The following EEFSEC variants were observed in gnomAD, a reference collection of about 807,000 sequenced individuals.
The protein encoded by EEFSEC is selenocysteine-specific elongation factor.
Under a neutral mutation model 42.1 loss-of-function variants are expected in EEFSEC, and 43 were observed. That is an observed-to-expected ratio of 1.02 (90% CI 0.80 to 1.32). EEFSEC has a LOEUF of 1.32. Ranked by LOEUF, EEFSEC falls within the 40% of genes most tolerant of loss-of-function variation. The pLI, the probability that EEFSEC is intolerant of heterozygous loss-of-function variation, is 0.00. For synonymous variants in EEFSEC, 354 were observed against 339.1 expected (o/e 1.04, Z -0.48); for missense variants, 745 against 803.6 (o/e 0.93, Z 0.88).
chr3:128,205,203 A>G (rs1469244280), intron 1 of EEFSEC, among the ~76,000 whole-genome samples: 1 of 152,084 alleles, frequency 6.6e-6, no homozygotes, highest in African/African-American at 2.4e-5. Flanking sequence ...TTGTATGCTC[A>G]CTCATCTGGT....
intron 1 of EEFSEC, among the ~76,000 whole-genome samples, chr3:128,199,075 G>A (rs1237974877): frequency 1.3e-5 from 2 of 152,122 alleles, no homozygotes; most frequent in South Asian, 2.1e-4. Flanking sequence ...CAGGTGATCC[G>A]CCTGCCTCGG....
intron 1 of EEFSEC, among the ~76,000 whole-genome samples, chr3:128,222,140 T>C (rs2065867778): frequency 6.6e-6 from 1 of 150,786 alleles, no homozygotes. Flanking sequence ...TTCAAGCGAT[T>C]CTCATGCCCC....
intron 4 of EEFSEC, among the ~76,000 whole-genome samples, chr3:128,289,443 C>T (rs1341830688): frequency 1.3e-5 from 2 of 152,190 alleles, no homozygotes; most frequent in Admixed American, 1.3e-4. Flanking sequence ...AGGGAAGCAG[C>T]ACATGGGAAG....
rs1352211942 is a variant in EEFSEC at position 128,200,919 on chromosome 3, C to T, written c.317-45917C>T. Among the ~76,000 whole-genome samples the T allele has an allele frequency of 2.0e-5, 3 of 152,098 alleles. No homozygotes were observed. In the East Asian group the frequency reaches 5.8e-4, roughly 29 times the overall value. On this transcript the variant is annotated intron_variant, in intron 1 of 6. Transcript: ENST00000254730. ...AATGAAGAGAGAAGTTAAAGTTCCCCACAGCCCTAGAATGGGACAGTTTGC... is the reference window on the plus strand; with the variant it reads ...AATGAAGAGAGAAGTTAAAGTTCCCTACAGCCCTAGAATGGGACAGTTTGC...
chr3:128,257,368 G>A (rs187423438), intron 2 of EEFSEC, among the ~76,000 whole-genome samples: 3 of 152,256 alleles, frequency 2.0e-5, no homozygotes, highest in East Asian at 1.9e-4. Flanking sequence ...GGGGCTCCAC[G>A]GCTTTGTTCC....
chr3:128,387,826 A>G (rs919782216), intron 6 of EEFSEC, among the ~76,000 whole-genome samples: 1 of 152,176 alleles, frequency 6.6e-6, no homozygotes, highest in Non-Finnish European at 1.5e-5. Context: ...CCCCGCTTGC[A>G]TGTTTGGAGC....
chr3:128,399,379 G>A (rs1008372402), intron 6 of EEFSEC, among the ~76,000 whole-genome samples: 3 of 152,234 alleles, frequency 2.0e-5, no homozygotes, highest in Non-Finnish European at 2.9e-5. Flanking sequence ...GCATGAGCCC[G>A]TCGAGTGCGC....
intron 6 of EEFSEC, among the ~76,000 whole-genome samples, chr3:128,407,161 G>A (rs959115030): frequency 2.6e-5 from 4 of 152,020 alleles, no homozygotes; most frequent in South Asian, 2.1e-4. Flanking sequence ...GGTGCGTGTC[G>A]GGGCATCAGC....
chr3:128,281,287 C>T (rs2066523237), intron 4 of EEFSEC, among the ~76,000 whole-genome samples: 2 of 152,192 alleles, frequency 1.3e-5, no homozygotes, highest in South Asian at 2.1e-4. Flanking sequence ...TAATTTGGCT[C>T]CTCCATGGCC....
intron 1 of EEFSEC, among the ~76,000 whole-genome samples, chr3:128,213,716 C>T (rs955192998): frequency 6.6e-6 from 1 of 151,600 alleles, no homozygotes; most frequent in African/African-American, 2.4e-5. Flanking sequence ...AACTCACATA[C>T]TTACTTTAAT....
chr3:128,160,292 T>G (rs1022720573), intron 1 of EEFSEC, among the ~76,000 whole-genome samples: 4 of 152,228 alleles, frequency 2.6e-5, no homozygotes, highest in South Asian at 4.1e-4. Context: ...TTTTCTTTCC[T>G]AGGCAAGGGC....
intron 1 of EEFSEC, among the ~76,000 whole-genome samples, chr3:128,213,052 G>T (rs1360671775): frequency 1.3e-5 from 2 of 152,236 alleles, no homozygotes; most frequent in Non-Finnish European, 2.9e-5. Context: ...CTCAGTGGGG[G>T]TTGGCTGCCC....
At chr3:128,173,187 A>G (rs2065315731) in intron 1 of EEFSEC, among the ~76,000 whole-genome samples, 1 of 152,220 alleles carries the variant, frequency 6.6e-6, no homozygotes, top group Non-Finnish European at 1.5e-5. Flanking sequence ...CTTTCAAAAG[A>G]GGCCCATGCC....
At chr3:128,332,411 A>C (rs953847143) in intron 4 of EEFSEC, among the ~76,000 whole-genome samples, 1 of 152,252 alleles carries the variant, frequency 6.6e-6, no homozygotes, top group African/African-American at 2.4e-5. Context: ...TAACAGGTTA[A>C]GCATCTGAAA....
At chr3:128,402,000 C>T (rs192745146) in intron 6 of EEFSEC, among the ~76,000 whole-genome samples, 2 of 152,334 alleles carry the variant, frequency 1.3e-5, no homozygotes, top group African/African-American at 4.8e-5. Context: ...CCTCCCCTCC[C>T]CGGCTCCTGT....
intron 4 of EEFSEC, among the ~76,000 whole-genome samples, chr3:128,302,097 CT>C (rs2066775428): frequency 1.3e-5 from 2 of 152,178 alleles, no homozygotes; most frequent in Admixed American, 1.3e-4. Flanking sequence ...TTTTCCTCCA[CT>C]TCCTAGTGGA....
At chr3:128,187,194 C>T (rs188869352) in intron 1 of EEFSEC, among the ~76,000 whole-genome samples, 15 of 152,292 alleles carry the variant, frequency 9.8e-5, no homozygotes, top group South Asian at 4.1e-4. Flanking sequence ...CATTTGAACC[C>T]GGGCACCCTG....
intron 4 of EEFSEC, among the ~76,000 whole-genome samples, chr3:128,308,012 A>G (rs1263790897): frequency 6.6e-6 from 1 of 152,256 alleles, no homozygotes; most frequent in Non-Finnish European, 1.5e-5. Context: ...AACAGTGCCC[A>G]TCTTGTCAGT....
rs1033753762 is a variant in EEFSEC at position 128,323,467 on chromosome 3, C to T, written c.787-17766C>T. ...CCTTTGTTATTTGAAGTGCTGGAAACAGCATACCTCACTTCACAGGTGCAG... is the reference window on the plus strand; with the variant it reads ...CCTTTGTTATTTGAAGTGCTGGAAATAGCATACCTCACTTCACAGGTGCAG... On this transcript the variant is annotated intron_variant, in intron 4 of 6. Coordinates refer to ENST00000254730, the MANE Select transcript of EEFSEC (RefSeq NM_021937.5). 2.0e-5 allele frequency among the ~76,000 whole-genome samples: 3 copies of T among 152,218 alleles called. No homozygotes were observed. In the East Asian group the frequency reaches 5.8e-4, roughly 29 times the overall value.
Sources: allele counts gnomAD v4.1 joint callset (sites outside exome capture counted in the v4.1 genomes callset), GRCh38; gene constraint gnomAD v4.1.1; transcripts MANE v1.5; gene names NCBI Gene and HGNC (gene_info 2026-07-23, HGNC 2026-07-21).